The following KLC1 variants were observed in gnomAD, a reference collection of about 807,000 sequenced individuals.
The protein encoded by KLC1 is kinesin 2 60/70kDa.
A neutral mutation model predicts 84.2 loss-of-function variants in KLC1; 30 were observed. That is an observed-to-expected ratio of 0.36 (90% CI 0.27 to 0.48). KLC1 has a LOEUF of 0.48. Among genes scored for constraint, KLC1 ranks in the 20% least tolerant of loss-of-function variants. KLC1 has a pLI of 0.99. For missense variants in KLC1, 499 were observed against 805.4 expected (o/e 0.62, Z 4.60); for synonymous variants, 289 against 293.3 (o/e 0.99, Z 0.15).
chr14:103,662,545 T>C (rs2079385075), intron 4 of KLC1, among the ~76,000 whole-genome samples, 157 bp from the exon 5 acceptor site: 1 of 152,014 alleles, frequency 6.6e-6, no homozygotes, highest in Non-Finnish European at 1.5e-5. Context: ...TCACTACTCT[T>C]ACCCTGCCTG....
intron 9 of KLC1, among the ~76,000 whole-genome samples, chr14:103,674,051 G>A (rs1251125525): frequency 2.6e-5 from 4 of 152,136 alleles, no homozygotes; most frequent in African/African-American, 4.8e-5. Context: ...TACAGTTCAC[G>A]CAGAAATGGA....
chr14:103,695,937 C>T, intron 15 of KLC1: 1 of 985,402 alleles, frequency 1.0e-6, no homozygotes, highest in Non-Finnish European at 1.2e-6. Flanking sequence ...GTGATTTCAG[C>T]CATTTCCCAT....
chr14:103,677,500 G>T lies in KLC1; in HGVS notation c.1465G>T (p.Ala489Ser). ...TGAAGCTGCAGAAACGTTAGAAGAA[G>T]CTGCTATGAGGTCTCGTAAACAGGT... ...KFEAAETLEE[A>S]AMRSRKQGLD... is the part of the protein sequence containing the mutation. Residue 489 changes from alanine (A) to serine (S), a missense_variant, in exon 12 of 17, where the codon GCT (alanine) becomes TCT (serine). Around this residue, in one of 3 missense-constraint regions of KLC1, gnomAD observed 167 missense variants for 208.8 expected, o/e 0.80. Transcript: ENST00000334553. 1.2e-6 allele frequency: 2 copies of T among 1,613,722 alleles called. No homozygotes were observed. Among genetic ancestry groups the T allele is most frequent in the Non-Finnish European group, 1.7e-6 (2 of 1,179,646 alleles).
At chr14:103,664,229 G>A (rs547078615) in intron 5 of KLC1, among the ~76,000 whole-genome samples, 2 of 152,228 alleles carry the variant, frequency 1.3e-5, no homozygotes, top group South Asian at 2.1e-4. Context: ...TCAGCTCACC[G>A]CAACCTCTGC....
rs182686291 is a variant in KLC1 at position 103,694,230 on chromosome 14, C to T, written c.1848+1805C>T. Reference sequence around the variant, plus strand: ...TCCCGGACGCCCCTGCACACGAAGCCCATAGAGACGTGTGTTTCACTTTTT... The same window carrying T: ...TCCCGGACGCCCCTGCACACGAAGCTCATAGAGACGTGTGTTTCACTTTTT... On this transcript the variant is annotated intron_variant, in intron 15 of 16. Coordinates refer to ENST00000334553, the MANE Select transcript of KLC1 (RefSeq NM_001394837.1). The surrounding 1 kb of genome is among the most constrained non-coding windows in gnomAD (Gnocchi z 4.5). 30 of 984,896 alleles carry T rather than the reference C, an allele frequency of 3.0e-5. No individual in the cohort carries two copies. The East Asian group carries it at 3.2e-3, about 105-fold the overall frequency. 61.0% of individuals were successfully genotyped at this position (984,896 alleles called of 1,614,324 possible).
intron 1 of KLC1, among the ~76,000 whole-genome samples, chr14:103,647,602 G>T (rs1041924227): frequency 6.6e-6 from 1 of 151,930 alleles, no homozygotes; most frequent in Non-Finnish European, 1.5e-5. Flanking sequence ...GCATGGCCAG[G>T]CATGGTGGCT....
At chr14:103,640,859 C>T (rs886092263) in intron 1 of KLC1, among the ~76,000 whole-genome samples, 9 of 152,054 alleles carry the variant, frequency 5.9e-5, no homozygotes, top group African/African-American at 1.7e-4. Context: ...ATGTTAATAT[C>T]CTACATTACT....
At chr14:103,699,073 C>T (rs947763538) in intron 15 of KLC1, 69 of 1,563,278 alleles carry the variant, frequency 4.4e-5, no homozygotes, top group African/African-American at 9.5e-5. Flanking sequence ...CCGCCCACTT[C>T]GGCCCAGCTG....
At chr14:103,650,104 A>G (rs964950016) in intron 1 of KLC1, among the ~76,000 whole-genome samples, 4 of 152,004 alleles carry the variant, frequency 2.6e-5, no homozygotes, top group African/African-American at 9.7e-5. Context: ...GGAACTTTAA[A>G]TAGGACTTTT....
chr14:103,647,359 G>A (rs1018417510), intron 1 of KLC1, among the ~76,000 whole-genome samples: 6 of 151,916 alleles, frequency 3.9e-5, no homozygotes, highest in Admixed American at 2.6e-4. Flanking sequence ...GAGTAGCTGA[G>A]ACTACAGGTG....
intron 15 of KLC1, chr14:103,698,715 C>T (rs767258270): frequency 2.8e-4 from 359 of 1,297,462 alleles, no homozygotes; most frequent in Non-Finnish European, 3.7e-4. Flanking sequence ...AGCTGTGCCA[C>T]GGCCCAGGCA....
At chr14:103,652,556 A>G (rs1325683533) in intron 1 of KLC1, among the ~76,000 whole-genome samples, 2 of 151,612 alleles carry the variant, frequency 1.3e-5, no homozygotes, top group Admixed American at 1.3e-4. Flanking sequence ...CAGTGGCGCG[A>G]TCTCGGCTCA....
chr14:103,673,601 C>T (rs1166123329), intron 9 of KLC1, among the ~76,000 whole-genome samples, 170 bp downstream of exon 9: 1 of 152,180 alleles, frequency 6.6e-6, no homozygotes, highest in African/African-American at 2.4e-5. Flanking sequence ...TCTTGTGCAG[C>T]GGGTCAAACA....
intron 5 of KLC1, among the ~76,000 whole-genome samples, chr14:103,664,947 C>T (rs1346068991): frequency 1.3e-5 from 2 of 151,120 alleles, no homozygotes; most frequent in Admixed American, 1.3e-4. Flanking sequence ...TTGTGCACAG[C>T]GTGCATGGGC....
rs2076496283 is a variant in KLC1, at chr14:103,629,469, A to G, written c.-27A>G. On this transcript the variant is annotated 5_prime_UTR_variant, in exon 1 of 17. Coordinates refer to ENST00000334553, the MANE Select transcript of KLC1 (RefSeq NM_001394837.1). ...GCGCTCCAGGTGCTGACAGCGCGAG[A>G]GAGCGCGGCCCTCAGGAGCAAGGCG... The G allele has an allele frequency of 6.6e-6, 1 of 152,274 alleles. No individual in the cohort carries two copies. Among genetic ancestry groups the G allele is most frequent in the Admixed American group, 6.5e-5 (1 of 15,276 alleles). 9.4% of individuals were successfully genotyped at this position (152,274 alleles called of 1,614,324 possible).
chr14:103,695,666 C>T, intron 15 of KLC1: 4 of 985,370 alleles, frequency 4.1e-6, no homozygotes, highest in Non-Finnish European at 4.8e-6. Context: ...TGAATTTTAA[C>T]CTCTTCAGAC....
At position 103,657,742 on chromosome 14, in the gene KLC1, A is replaced by G. The variant is rs759320916; in HGVS notation, c.458A>G (p.Gln153Arg). 2 of 1,614,064 alleles carry G rather than the reference A, an allele frequency of 1.2e-6. No homozygotes were observed. Among genetic ancestry groups the G allele is most frequent in the South Asian group, 1.1e-5 (1 of 91,088 alleles). The change falls in exon 3 of 17, where the codon CAG (glutamine) becomes CGG (arginine). Residue 153 changes from glutamine (Q) to arginine (R), a missense_variant. Physicochemically the swap from Gln to Arg is conservative, Grantham distance 43. Transcript: ENST00000334553. ...EEKKHLEFMN[Q>R]LKKYDDDISP... ...AAGAAGCATCTGGAGTTTATGAATC[A>G]GCTAAAAAAATATGATGACGACATT...
At chr14:103,641,151 C>G (rs1031859610) in intron 1 of KLC1, among the ~76,000 whole-genome samples, 2 of 152,104 alleles carry the variant, frequency 1.3e-5, no homozygotes, top group African/African-American at 4.8e-5. Context: ...TCTCGAACTC[C>G]TGCCCTTAAG....
intron 1 of KLC1, among the ~76,000 whole-genome samples, chr14:103,632,190 C>T (rs978790947): frequency 8.5e-5 from 13 of 152,102 alleles, no homozygotes; most frequent in African/African-American, 3.1e-4. Flanking sequence ...CTTTGGGAGG[C>T]CGAGGCAGGT....
Sources: allele counts gnomAD v4.1 joint callset (sites outside exome capture counted in the v4.1 genomes callset), GRCh38; gene constraint gnomAD v4.1.1; regional missense constraint gnomAD v4.1.1; non-coding constraint Gnocchi (gnomAD v3.1); transcripts MANE v1.5; gene names NCBI Gene and HGNC (gene_info 2026-07-23, HGNC 2026-07-21).